The following CPD variants were observed in gnomAD, a reference collection of about 807,000 sequenced individuals.
CPD encodes the protein carboxypeptidase D.
A neutral mutation model predicts 138.3 loss-of-function variants in CPD; 69 were observed. The ratio of observed to expected loss-of-function variants is 0.50; its 90% CI spans 0.41 to 0.61. CPD has a LOEUF of 0.61. Among genes scored for constraint, CPD ranks in the 20% least tolerant of loss-of-function variants. The pLI is 0.00. For synonymous variants in CPD, 651 were observed against 642.1 expected (o/e 1.01, Z -0.21); for missense variants, 1,432 against 1,733.3 (o/e 0.83, Z 3.09).
At chr17:30,399,985 T>C (rs1911610718) in intron 2 of CPD, among the ~76,000 whole-genome samples, 2 of 152,194 alleles carry the variant, frequency 1.3e-5, no homozygotes, top group African/African-American at 4.8e-5. Context: ...AGCGAGACTC[T>C]GTCTCAAAAA....
At chr17:30,380,648 T>C (rs1483040634) in intron 1 of CPD, 2 of 1,509,194 alleles carry the variant, frequency 1.3e-6, no homozygotes, top group Non-Finnish European at 1.8e-6. Flanking sequence ...ATGAGGTATG[T>C]TGGTGTACCC....
chr17:30,403,071 A>G (rs1230559534), intron 2 of CPD, among the ~76,000 whole-genome samples: 1 of 152,144 alleles, frequency 6.6e-6, no homozygotes, highest in Non-Finnish European at 1.5e-5. Flanking sequence ...GTGCCATTGC[A>G]CTCCAGACTG....
intron 1 of CPD, among the ~76,000 whole-genome samples, chr17:30,383,260 G>T (rs1911097738): frequency 6.6e-6 from 1 of 152,150 alleles, no homozygotes; most frequent in Non-Finnish European, 1.5e-5. Context: ...TTGAGCAGGG[G>T]CTATAAAGTA....
intron 2 of CPD, among the ~76,000 whole-genome samples, chr17:30,397,023 G>GC (rs1712967916): frequency 6.6e-6 from 1 of 152,024 alleles, no homozygotes; most frequent in South Asian, 2.1e-4. Context: ...ATGGTGTATT[G>GC]CCTTGGAGTT....
At chr17:30,386,890 A>G (rs1911205836) in intron 2 of CPD, among the ~76,000 whole-genome samples, 1 of 152,182 alleles carries the variant, frequency 6.6e-6, no homozygotes, top group African/African-American at 2.4e-5. Flanking sequence ...CACCTTGGCT[A>G]CTAGGAATAA....
chr17:30,380,150 T>C (rs575909361), intron 1 of CPD: 159 of 172,526 alleles, frequency 9.2e-4, no homozygotes, highest in Non-Finnish European at 1.7e-3. Context: ...TCTCACTTTA[T>C]TTTGGCCACA....
At position 30,423,537 on chromosome 17, in the gene CPD, G is replaced by A. The variant is rs1376774811; in HGVS notation, c.1689G>A (p.Met563Ile). Reference protein sequence around the residue: ...GEPEFKYIGNMHGNEVVGREL... With the variant: ...GEPEFKYIGNIHGNEVVGREL... ...CAGAATTTAAGTACATTGGAAATAT[G>A]CATGGAAATGAAGTGGTTGGAAGAG... Residue 563 changes from methionine (M) to isoleucine (I), a missense_variant, in exon 6 of 21, where the codon ATG becomes ATA. Physicochemically the swap from Met to Ile is conservative, Grantham distance 10 (BLOSUM62 1). Around this residue, in one of 6 missense-constraint regions of CPD, gnomAD observed 297 missense variants for 405.3 expected, o/e 0.73. Transcript: ENST00000225719. 3 of 1,592,118 alleles carry A rather than the reference G, an allele frequency of 1.9e-6. No homozygotes were observed. The highest frequency in any genetic ancestry group is 1.8e-5 in the Admixed American group (1 of 55,226).
chr17:30,379,888 C>T lies in CPD; in HGVS notation c.746+162C>T, dbSNP rs757460095. ...GGACAGGGCCCAGGCCGCGTAGCCT[C>T]CCGTCCTGCTAATCATCAAAGAATT... On this transcript the variant is annotated intron_variant, in intron 1 of 20. Transcript: ENST00000225719. This position sits in a 1 kb window ranked among gnomAD's most constrained non-coding sequence, Gnocchi z 7.0. Among the ~76,000 whole-genome samples the T allele has an allele frequency of 4.6e-5, 7 of 152,218 alleles. No individual in the cohort carries two copies. Among genetic ancestry groups the T allele is most frequent in the Non-Finnish European group, 8.8e-5 (6 of 68,034 alleles).
At chr17:30,403,614 A>G (rs1911732430) in intron 2 of CPD, among the ~76,000 whole-genome samples, 1 of 152,236 alleles carries the variant, frequency 6.6e-6, no homozygotes, top group Non-Finnish European at 1.5e-5. Context: ...TAGAATGCTT[A>G]AAATTTAAGA....
intron 2 of CPD, among the ~76,000 whole-genome samples, chr17:30,386,850 T>C (rs1188515207): frequency 3.3e-5 from 5 of 152,240 alleles, no homozygotes; most frequent in Non-Finnish European, 7.3e-5. Flanking sequence ...ATTTTGTTTA[T>C]CCATCTATTG....
intron 4 of CPD, among the ~76,000 whole-genome samples, chr17:30,422,395 C>T (rs1912288430): frequency 6.6e-6 from 1 of 152,190 alleles, no homozygotes; most frequent in African/African-American, 2.4e-5. Context: ...GTAACAACCA[C>T]ATCTTTCAAC....
intron 2 of CPD, among the ~76,000 whole-genome samples, chr17:30,411,573 C>T (rs758081903): frequency 6.6e-6 from 1 of 151,964 alleles, no homozygotes; most frequent in Non-Finnish European, 1.5e-5. Flanking sequence ...ACTCTTTTTT[C>T]TCTAATCTTG....
At chr17:30,386,315 C>CACTT (rs1567864564) in intron 2 of CPD, among the ~76,000 whole-genome samples, 1 of 152,130 alleles carries the variant, frequency 6.6e-6, no homozygotes, top group Non-Finnish European at 1.5e-5. Flanking sequence ...AGATGTGAGC[C>CACTT]ACTTCACCCA....
In CPD at chr17:30,461,943, G is replaced by A. The variant is rs970982199; in HGVS notation, c.3697G>A (p.Val1233Ile). 1.2e-5 allele frequency: 19 copies of A among 1,613,580 alleles called. No individual in the cohort carries two copies. The highest frequency in any genetic ancestry group is 1.5e-5 in the Non-Finnish European group (18 of 1,179,796). ...TGKPISKAVIVLNEGIKVQTK... is the reference protein window; with the variant it reads ...TGKPISKAVIILNEGIKVQTK... ...AAAGCCAATCTCTAAAGCAGTCATT[G>A]TACTTAATGAAGGAATAAAGGTACA... The change falls in exon 19 of 21, where the codon GTA (valine) becomes ATA (isoleucine). Residue 1233 changes from valine (V) to isoleucine (I), a missense_variant. This residue lies in a region of CPD where 366 missense variants were observed against 518.8 expected (regional missense o/e 0.71). Coordinates refer to ENST00000225719, the MANE Select transcript of CPD (RefSeq NM_001304.5).
At position 30,379,586 on chromosome 17, in the gene CPD, G is replaced by A; in HGVS notation, c.606G>A (p.Pro202=). ...ACTGTGGCTTCGGCGACGGCGGCCC[G>A]TCCGGGGCCAGCGGCCGCGACAATA... ...EGDCGFGDGG[P]SGASGRDNSR... Residue 202 remains proline, a synonymous_variant, in exon 1 of 21, where the codon CCG becomes CCA. Coordinates refer to ENST00000225719, the MANE Select transcript of CPD (RefSeq NM_001304.5). This position sits in a 1 kb window ranked among gnomAD's most constrained non-coding sequence, Gnocchi z 7.0. 2.0e-6 allele frequency: 3 copies of A among 1,502,630 alleles called. No homozygotes were observed. The highest frequency in any genetic ancestry group is 8.8e-7 in the Non-Finnish European group (1 of 1,139,590). 93.1% of individuals were successfully genotyped at this position (1,502,630 alleles called of 1,614,324 possible).
chr17:30,466,262 G>C lies in CPD; in HGVS notation c.*1448G>C, dbSNP rs1483163500. 6.6e-6 allele frequency: 1 copy of C among 152,556 alleles called. No homozygotes were observed. The highest frequency in any genetic ancestry group is 1.5e-5 in the Non-Finnish European group (1 of 68,004). The allele number at this position is 152,556 out of a possible 1,614,324, so 9.5% of individuals were successfully genotyped here. A position where few individuals can be genotyped will look rare whatever the true frequency, so the allele number is the denominator to read the frequency against. ...ACTAAATCAGGGGACCAAAAAACTT[G>C]CTCTTATCTTCTCAAATTGTATTCT... On this transcript the variant is annotated 3_prime_UTR_variant, in exon 21 of 21. Coordinates refer to ENST00000225719, the MANE Select transcript of CPD (RefSeq NM_001304.5).
At chr17:30,437,888 G>A (rs1161032915) in intron 8 of CPD, among the ~76,000 whole-genome samples, 1 of 151,860 alleles carries the variant, frequency 6.6e-6, no homozygotes, top group Admixed American at 6.6e-5. Context: ...CCAGGCTGTA[G>A]TGCAGTGGTG....
chr17:30,404,473 A>G (rs926803137), intron 2 of CPD, among the ~76,000 whole-genome samples: 35 of 152,136 alleles, frequency 2.3e-4, no homozygotes, highest in African/African-American at 6.3e-4. Context: ...ATGGCTGCAT[A>G]GTAGCCCATT....
intron 11 of CPD, 139 bp from the exon 12 acceptor site, chr17:30,445,552 C>T (rs1913002839): frequency 1.8e-6 from 1 of 547,322 alleles, no homozygotes; most frequent in African/African-American, 1.9e-5. Flanking sequence ...ATAAATTACT[C>T]AACGTTAAAA....
Sources: allele counts gnomAD v4.1 joint callset (sites outside exome capture counted in the v4.1 genomes callset), GRCh38; gene constraint gnomAD v4.1.1; regional missense constraint gnomAD v4.1.1; non-coding constraint Gnocchi (gnomAD v3.1); transcripts MANE v1.5; gene names NCBI Gene and HGNC (gene_info 2026-07-23, HGNC 2026-07-21).